Variants in KCNMA1 observed in about 807,000 individuals in gnomAD.
KCNMA1 encodes the protein Calcium-activated potassium channel subunit alpha-1.
KCNMA1 carries 29 observed loss-of-function variants against 140.0 expected under a neutral mutation model. The observed-to-expected ratio is 0.21, with a 90% CI of 0.15 to 0.28. KCNMA1 has a LOEUF of 0.28. KCNMA1 is among the 10% of genes least tolerant of loss of function. The pLI, the probability that KCNMA1 is intolerant of heterozygous loss-of-function variation, is 1.00. For missense variants in KCNMA1, 880 were observed against 1,602.2 expected, an observed-to-expected ratio of 0.55 and a Z score of 7.70; for synonymous variants, 612 against 611.9, an observed-to-expected ratio of 1.00 and a Z score of 0.00.
chr10:77,337,718 C>T (rs906638864), intron 2 of KCNMA1, among the ~76,000 whole-genome samples: 2 of 152,190 alleles, frequency 1.3e-5, no homozygotes, highest in African/African-American at 4.8e-5. Context: ...ACAAATATTT[C>T]CTGCTCTTCA....
intron 2 of KCNMA1, among the ~76,000 whole-genome samples, chr10:77,296,119 G>A (rs1055506460): frequency 1.3e-5 from 2 of 152,136 alleles, no homozygotes; most frequent in Non-Finnish European, 2.9e-5. Context: ...GTTTGCTGGT[G>A]TGATTAAGTT....
At chr10:77,427,334 C>A (rs61856119) in intron 1 of KCNMA1, among the ~76,000 whole-genome samples, 31,084 of 152,212 alleles carry the variant, frequency 0.2, 4,127 homozygotes, top group Non-Finnish European at 0.29. Flanking sequence ...GAACTGAGCT[C>A]AAATCTCACC....
chr10:77,143,686 G>C (rs963478449), intron 5 of KCNMA1, among the ~76,000 whole-genome samples: 1 of 151,996 alleles, frequency 6.6e-6, no homozygotes, highest in Non-Finnish European at 1.5e-5. Context: ...ATAAGCAAAG[G>C]CTTCTTAGAT....
At chr10:77,484,430 C>G (rs2098438468) in intron 1 of KCNMA1, among the ~76,000 whole-genome samples, 3 of 152,262 alleles carry the variant, frequency 2.0e-5, no homozygotes, top group Non-Finnish European at 4.4e-5. Context: ...ACAACTGAGG[C>G]TAGATATGCA....
At chr10:76,937,952 T>C (rs931027333) in intron 23 of KCNMA1, among the ~76,000 whole-genome samples, 3 of 152,020 alleles carry the variant, frequency 2.0e-5, no homozygotes, top group Non-Finnish European at 4.4e-5. Flanking sequence ...TGTCTGTGTG[T>C]CTATAAAGCA....
chr10:76,887,200 T>C lies in KCNMA1; in HGVS notation c.*66A>G, dbSNP rs535062911. On this transcript the variant is annotated 3_prime_UTR_variant, in exon 28 of 28. Transcript: ENST00000286628. ...GGGGAAAACAGGGAAAGTTACTTTG[T>C]TGGAAACACCAACTGGGGAAATGAG... The C allele has an allele frequency of 6.2e-7, 1 of 1,613,386 alleles. No homozygotes were observed. The highest frequency in any genetic ancestry group is 2.2e-5 in the East Asian group (1 of 44,882).
At chr10:77,301,892 A>T (rs1292337105) in intron 2 of KCNMA1, among the ~76,000 whole-genome samples, 1 of 151,142 alleles carries the variant, frequency 6.6e-6, no homozygotes, top group East Asian at 1.9e-4. Flanking sequence ...ATCAGAAAGC[A>T]GAGTCCCAGA....
Position 77,112,548 on chromosome 10 carries a change from C to A in KCNMA1, c.885-106G>T, listed in dbSNP as rs2097350447. On this transcript the variant is annotated intron_variant, in intron 6 of 27. Transcript: ENST00000286628. ...CGCTTAGCAGGAGAGGCTGCCACAT[C>A]TAACTCCCAACCATTTCTCCATTAT... 7.9e-6 allele frequency: 6 copies of A among 764,310 alleles called. No individual in the cohort carries two copies. In the Admixed American group the frequency reaches 9.7e-5, roughly 12 times the overall value. The allele number at this position is 764,310 out of a possible 1,614,324, so 47.3% of individuals were successfully genotyped here. A position where few individuals can be genotyped will look rare whatever the true frequency, so the allele number is the denominator to read the frequency against.
intron 1 of KCNMA1, among the ~76,000 whole-genome samples, chr10:77,517,439 G>A (rs2050968985): frequency 6.6e-6 from 1 of 152,198 alleles, no homozygotes; most frequent in Admixed American, 6.5e-5. Context: ...ACATAGATTT[G>A]AGGCACCAGT....
intron 9 of KCNMA1, among the ~76,000 whole-genome samples, chr10:77,101,025 G>A (rs1564538244): frequency 6.6e-6 from 1 of 151,964 alleles, no homozygotes; most frequent in Non-Finnish European, 1.5e-5. Context: ...AGGAAAGGAG[G>A]GGAGCTTCAT....
intron 3 of KCNMA1, among the ~76,000 whole-genome samples, chr10:77,237,216 G>C (rs538134637): frequency 6.6e-6 from 1 of 152,296 alleles, no homozygotes; most frequent in Admixed American, 6.5e-5. Flanking sequence ...ACTGTACTAA[G>C]AGCCTTTCCA....
intron 1 of KCNMA1, among the ~76,000 whole-genome samples, chr10:77,552,732 C>T (rs2063160491): frequency 6.6e-6 from 1 of 152,160 alleles, no homozygotes; most frequent in Non-Finnish European, 1.5e-5. Flanking sequence ...CTTCCTGATG[C>T]AGCCCATGAA....
At chr10:76,951,187 C>T (rs771843377) in intron 21 of KCNMA1, among the ~76,000 whole-genome samples, 6 of 152,104 alleles carry the variant, frequency 3.9e-5, no homozygotes, top group Non-Finnish European at 8.8e-5. Flanking sequence ...AGATGCTGAC[C>T]CCAGGAACTT....
At chr10:77,549,758 G>A (rs1017137043) in intron 1 of KCNMA1, among the ~76,000 whole-genome samples, 3 of 152,192 alleles carry the variant, frequency 2.0e-5, no homozygotes, top group African/African-American at 7.2e-5. Context: ...TTAGCGAAAG[G>A]TTAGAAAGTC....
At chr10:77,258,970 T>A (rs34251501) in intron 2 of KCNMA1, among the ~76,000 whole-genome samples, 23,103 of 151,170 alleles carry the variant, frequency 0.15, 2,130 homozygotes, top group Middle Eastern at 0.22. Flanking sequence ...CTCAAAAAAA[T>A]ATATATATAA....
chr10:77,519,074 A>C (rs752372), intron 1 of KCNMA1, among the ~76,000 whole-genome samples: 92,423 of 152,144 alleles, frequency 0.61, 28,942 homozygotes, highest in East Asian at 0.79. Flanking sequence ...CCGTCCACTC[A>C]CTTGTCCCAG....
intron 5 of KCNMA1, among the ~76,000 whole-genome samples, chr10:77,142,369 TAA>T (rs10710538): frequency 3.2e-4 from 42 of 132,150 alleles, no homozygotes; most frequent in Admixed American, 5.2e-4. Flanking sequence ...AGACTCCATT[TAA>T]AAAAAAAAAA....
intron 2 of KCNMA1, among the ~76,000 whole-genome samples, chr10:77,279,375 G>A (rs1369136925): frequency 2.0e-5 from 3 of 152,164 alleles, no homozygotes; most frequent in African/African-American, 4.8e-5. Context: ...AGTGAATGGT[G>A]AGAAGAGATG....
At chr10:77,107,703 A>G (rs895094697) in intron 9 of KCNMA1, among the ~76,000 whole-genome samples, 10 of 152,264 alleles carry the variant, frequency 6.6e-5, no homozygotes, top group African/African-American at 2.2e-4. Flanking sequence ...TTTGGCAGGA[A>G]TAGCATGTAG....
Sources: allele counts gnomAD v4.1 joint callset (sites outside exome capture counted in the v4.1 genomes callset), GRCh38; gene constraint gnomAD v4.1.1; transcripts MANE v1.5; gene names NCBI Gene and HGNC (gene_info 2026-07-23, HGNC 2026-07-21).